The following FAM149B1 variants were observed in gnomAD, a reference collection of about 807,000 sequenced individuals.
FAM149B1 encodes the protein family with sequence similarity 149 member B1.
FAM149B1 carries 56 observed loss-of-function variants against 75.3 expected under a neutral mutation model. That is an observed-to-expected ratio of 0.74 (90% CI 0.60 to 0.93). The LOEUF is 0.93. FAM149B1 is among the 40% of genes least tolerant of loss of function. FAM149B1 has a pLI of 0.00. For missense variants in FAM149B1, 639 were observed against 708.4 expected (o/e 0.90, Z 1.11); for synonymous variants, 259 against 256.1 (o/e 1.01, Z -0.11).
At chr10:73,206,806 T>C (rs1311419944) in intron 5 of FAM149B1, among the ~76,000 whole-genome samples, 2 of 152,136 alleles carry the variant, frequency 1.3e-5, no homozygotes, top group Admixed American at 6.5e-5. Context: ...TCCCAGCTAC[T>C]TGGGAGGCTG....
intron 1 of FAM149B1, 80 bp downstream of exon 1, chr10:73,168,466 T>G: frequency 1.3e-6 from 2 of 1,491,262 alleles, no homozygotes; most frequent in Non-Finnish European, 1.8e-6. Context: ...CCTTCGTTCC[T>G]TTCCTTTCCC....
At chr10:73,239,414 T>C (rs1203077068) in intron 13 of FAM149B1, 30 bp downstream of exon 13, 4 of 1,513,930 alleles carry the variant, frequency 2.6e-6, no homozygotes, top group Non-Finnish European at 2.7e-6. Flanking sequence ...CCTTATTTAC[T>C]ACTGTGTGGT....
rs749780762 is a variant in FAM149B1, at chr10:73,234,855, C to A, written c.1391C>A (p.Thr464Lys). The A allele has an allele frequency of 5.3e-5, 83 of 1,551,608 alleles. No individual in the cohort carries two copies. The African/African-American group carries it at 1.1e-3, about 20-fold the overall frequency. ...GACTCGCTCTCCTCTCCCTCACCGA[C>A]GCCCCTGAGTCGAAATAATCTGCTA... ...APDSLSSPSP[T>K]PLSRNNLLPP... is the part of the protein sequence containing the mutation. The change falls in exon 11 of 14, where the codon ACG becomes AAG. Residue 464 changes from threonine to lysine, a missense_variant. Thr to Lys is a moderately conservative substitution (Grantham distance 78). Transcript: ENST00000242505.
chr10:73,243,630 T>A lies in FAM149B1; in HGVS notation c.*2611T>A. 7.1e-7 allele frequency: 1 copy of A among 1,407,410 alleles called. No homozygotes were observed. Among genetic ancestry groups the A allele is most frequent in the Non-Finnish European group, 9.7e-7 (1 of 1,027,394 alleles). 87.2% of individuals were successfully genotyped at this position (1,407,410 alleles called of 1,614,324 possible). On this transcript the variant is annotated 3_prime_UTR_variant, in exon 14 of 14. Transcript: ENST00000242505. Reference sequence around the variant, plus strand: ...AATAACTACTAATGGGTATGGAGTTTTTTTGGAATGGTGAAAATGTCCTAC... The same window carrying A: ...AATAACTACTAATGGGTATGGAGTTATTTTGGAATGGTGAAAATGTCCTAC...
intron 1 of FAM149B1, among the ~76,000 whole-genome samples, chr10:73,173,605 C>T (rs549550745): frequency 1.3e-5 from 2 of 152,112 alleles, no homozygotes; most frequent in South Asian, 2.1e-4. Flanking sequence ...GGGTATTGAC[C>T]CCCTGTACAG....
intron 3 of FAM149B1, among the ~76,000 whole-genome samples, chr10:73,179,905 T>C (rs1307625019): frequency 6.6e-6 from 1 of 152,220 alleles, no homozygotes; most frequent in East Asian, 1.9e-4. Context: ...TGTCTTAATA[T>C]ATCATAATTG....
At chr10:73,174,649 T>G in intron 1 of FAM149B1, 38 bp from the exon 2 acceptor site, 1 of 1,405,474 alleles carries the variant, frequency 7.1e-7, no homozygotes, top group Non-Finnish European at 9.8e-7. Flanking sequence ...TATGTATTTT[T>G]TTATACAGGA....
At chr10:73,177,408 C>T (rs988325785) in intron 2 of FAM149B1, among the ~76,000 whole-genome samples, 7 of 151,752 alleles carry the variant, frequency 4.6e-5, no homozygotes, top group Admixed American at 4.6e-4. Flanking sequence ...AACCCCTTCT[C>T]TACTAAAATG....
At chr10:73,202,856 A>C (rs567429013) in intron 5 of FAM149B1, among the ~76,000 whole-genome samples, 10 of 151,848 alleles carry the variant, frequency 6.6e-5, no homozygotes, top group African/African-American at 2.4e-4. Flanking sequence ...TCATCTGGCT[A>C]ATTTTGTATT....
chr10:73,239,077 G>A (rs980393572), intron 12 of FAM149B1: 16 of 422,230 alleles, frequency 3.8e-5, no homozygotes, highest in Admixed American at 1.9e-4. Flanking sequence ...TTTCCTTAAC[G>A]GCATAGTAAT....
At chr10:73,233,296 A>G in intron 10 of FAM149B1, 133 bp downstream of exon 10, 3 of 670,092 alleles carry the variant, frequency 4.5e-6, no homozygotes, top group Non-Finnish European at 7.6e-6. Flanking sequence ...CAGATTGCCC[A>G]TGGGTTTAGA....
chr10:73,230,348 T>C, intron 8 of FAM149B1, 74 bp from the exon 9 acceptor site: 2 of 798,290 alleles, frequency 2.5e-6, no homozygotes, highest in South Asian at 3.0e-5. Context: ...AAATATTAAC[T>C]TTTGGCAAAG....
intron 3 of FAM149B1, among the ~76,000 whole-genome samples, chr10:73,182,211 C>CTTTTTTTTTTTTTTTTTTT (rs1193905747): frequency 9.1e-6 from 1 of 109,404 alleles, no homozygotes; most frequent in Admixed American, 9.5e-5. Flanking sequence ...CAGTCTGTGT[C>CTTTTTTTTTTTTTTTTTTT]TTTTTTTTTT....
chr10:73,213,176 G>C (rs1168731672), intron 7 of FAM149B1, among the ~76,000 whole-genome samples: 2 of 151,982 alleles, frequency 1.3e-5, no homozygotes, highest in Non-Finnish European at 2.9e-5. Flanking sequence ...CTTTTAAATA[G>C]GGTTATTTAT....
chr10:73,208,624 G>T lies in FAM149B1; in HGVS notation c.548G>T (p.Gly183Val), dbSNP rs1303661847. 5 of 1,514,146 alleles carry T rather than the reference G, an allele frequency of 3.3e-6. No homozygotes were observed. The highest frequency in any genetic ancestry group is 4.4e-6 in the Non-Finnish European group (5 of 1,124,908). The allele number at this position is 1,514,146 out of a possible 1,614,324, so 93.8% of individuals were successfully genotyped here. ...CTTCTTTTTTCCACTCCAAGATTTG[G>T]TATAAGGGGAAAGAAGTTACATTTT... is the stretch of plus-strand genomic sequence containing the variant. ...LSQERDSTIF[G>V]IRGKKLHFSS... The change falls in exon 6 of 14, where the codon GGT becomes GTT. Residue 183 changes from glycine to valine, a missense_variant. By Grantham distance (109) the Gly-to-Val change is moderately radical. Transcript: ENST00000242505.
chr10:73,225,781 G>A lies in FAM149B1; in HGVS notation c.899-2279G>A, dbSNP rs115926311. On this transcript the variant is annotated intron_variant, in intron 7 of 13. Transcript: ENST00000242505. ...GATAAGTACCCTATACAAGGTACCT[G>A]TACCATTTTTATCTTTTGTACCATA... Among the ~76,000 whole-genome samples, 577 of 152,280 alleles carry A rather than the reference G, an allele frequency of 3.8e-3. 5 individuals are homozygous for A. Among genetic ancestry groups the A allele is most frequent in the African/African-American group, 0.014 (562 of 41,548 alleles).
In FAM149B1 at chr10:73,177,915, A is replaced by C. The variant is rs1844043678; in HGVS notation, c.222A>C (p.Pro74=). Residue 74 remains proline (P), a synonymous_variant, in exon 3 of 14, where the codon CCA becomes CCC. Coordinates refer to ENST00000242505, the MANE Select transcript of FAM149B1 (RefSeq NM_173348.2). Reference sequence around the variant, plus strand: ...CTGGGAATTCACTGTCTGCTTTTCCAAGTTATACAGGCGCAGGGATATCTA... The same window carrying C: ...CTGGGAATTCACTGTCTGCTTTTCCCAGTTATACAGGCGCAGGGATATCTA... ...ADTGNSLSAF[P]SYTGAGISTE... 9 of 1,551,594 alleles carry C rather than the reference A, an allele frequency of 5.8e-6. No individual in the cohort carries two copies. Among genetic ancestry groups the C allele is most frequent in the Non-Finnish European group, 7.0e-6 (8 of 1,146,946 alleles).
At position 73,208,429 on chromosome 10, in the gene FAM149B1, A is replaced by C. The variant is rs549154128; in HGVS notation, c.543-190A>C. ...GTACCAGATAGTCCATAGTACATGT[A>C]GGCAGAATAGTTCTGTGACCAGAAT... On this transcript the variant is annotated intron_variant, in intron 5 of 13. Coordinates refer to ENST00000242505, the MANE Select transcript of FAM149B1 (RefSeq NM_173348.2). Among the ~76,000 whole-genome samples, 6 of 152,352 alleles carry C rather than the reference A, an allele frequency of 3.9e-5. No homozygotes were observed. In the South Asian group the frequency reaches 1.2e-3, roughly 32 times the overall value.
rs553336778 is a variant in FAM149B1, at chr10:73,193,017, A to G, written c.425+319A>G. On this transcript the variant is annotated intron_variant, in intron 4 of 13. Transcript: ENST00000242505. The stretch of plus-strand genomic sequence containing the variant: ...AAAATGTACACTGTTGTATACAATT[A>G]AATTCTTATGTATACTTGAAACCAG... 1.3e-5 allele frequency among the ~76,000 whole-genome samples: 2 copies of G among 152,334 alleles called. 1 individual carries two copies. The highest frequency in any genetic ancestry group is 4.1e-4 in the South Asian group (2 of 4,830).
Sources: gnomAD v4.1 joint callset for allele counts (sites outside exome capture counted in the v4.1 genomes callset) on GRCh38, gnomAD v4.1.1 for gene constraint, MANE v1.5 for transcripts, NCBI Gene and HGNC (gene_info 2026-07-23, HGNC 2026-07-21) for gene names.